Variants in CNTN5 observed in about 807,000 individuals in gnomAD.
CNTN5 encodes contactin 5.
Under a neutral mutation model 129.1 loss-of-function variants are expected in CNTN5, and 77 were observed. The observed-to-expected ratio is 0.60, with a 90% CI of 0.50 to 0.72. The LOEUF (loss-of-function observed/expected upper bound fraction) is 0.72. Among genes scored for constraint, CNTN5 ranks in the 30% least tolerant of loss-of-function variants. The pLI, the probability that CNTN5 is intolerant of heterozygous loss-of-function variation, is 0.00. For missense variants in CNTN5, 1,478 were observed against 1,328.8 expected, an observed-to-expected ratio of 1.11 and a Z score of -1.75; for synonymous variants, 509 against 465.6, an observed-to-expected ratio of 1.09 and a Z score of -1.20.
chr11:99,271,601 T>C (rs117709726), intron 1 of CNTN5, among the ~76,000 whole-genome samples: 1,686 of 151,890 alleles, frequency 0.011, 14 homozygotes, highest in Non-Finnish European at 0.019. Context: ...CTAAGTAGGG[T>C]ATTTCTGGCA....
intron 18 of CNTN5, among the ~76,000 whole-genome samples, chr11:100,286,050 G>C (rs1410150742): frequency 6.6e-6 from 1 of 152,182 alleles, no homozygotes; most frequent in East Asian, 1.9e-4. Flanking sequence ...TTTCCGATAG[G>C]CTTAAAAAAC....
intron 3 of CNTN5, among the ~76,000 whole-genome samples, chr11:99,626,392 G>A (rs1164291455): frequency 2.0e-5 from 3 of 152,050 alleles, no homozygotes; most frequent in Admixed American, 6.6e-5. Flanking sequence ...CTGTTTTAGT[G>A]GAAGTATTCA....
At chr11:99,044,264 A>G (rs1864116321) in intron 1 of CNTN5, among the ~76,000 whole-genome samples, 1 of 152,154 alleles carries the variant, frequency 6.6e-6, no homozygotes, top group African/African-American at 2.4e-5. Context: ...AGCTAACAAA[A>G]TTCTATTCTC....
At chr11:99,062,474 G>A (rs1474766225) in intron 1 of CNTN5, among the ~76,000 whole-genome samples, 1 of 151,952 alleles carries the variant, frequency 6.6e-6, no homozygotes, top group African/African-American at 2.4e-5. Context: ...ATGTATAGAG[G>A]AACACTAACA....
chr11:99,352,020 C>A (rs909257141), intron 2 of CNTN5, among the ~76,000 whole-genome samples: 6 of 152,126 alleles, frequency 3.9e-5, no homozygotes, highest in Non-Finnish European at 7.3e-5. Context: ...AAGACAAATG[C>A]CATTAATAGA....
intron 1 of CNTN5, among the ~76,000 whole-genome samples, chr11:99,213,319 AATATATAAATAT>A (rs1859914294): frequency 6.9e-6 from 1 of 144,348 alleles, no homozygotes; most frequent in South Asian, 2.1e-4. Context: ...ACATATATAA[AATATATAAATAT>A]ATACATATAT....
intron 7 of CNTN5, among the ~76,000 whole-genome samples, chr11:99,951,376 T>C (rs923583460): frequency 1.2e-4 from 18 of 152,180 alleles, no homozygotes; most frequent in African/African-American, 4.3e-4. Context: ...GCTTTGCATA[T>C]TTCACTACTA....
chr11:100,104,951 A>G (rs1945368330), intron 13 of CNTN5, among the ~76,000 whole-genome samples: 2 of 152,178 alleles, frequency 1.3e-5, no homozygotes, highest in South Asian at 4.1e-4. Flanking sequence ...AACTAGCATG[A>G]GAGAGGCTGC....
chr11:99,375,265 A>C (rs1178991023), intron 2 of CNTN5, among the ~76,000 whole-genome samples: 1 of 140,814 alleles, frequency 7.1e-6, no homozygotes, highest in Non-Finnish European at 1.5e-5. Context: ...ATCACGCCAC[A>C]GCACTCCAGC....
At chr11:99,380,613 T>C (rs1326546020) in intron 2 of CNTN5, among the ~76,000 whole-genome samples, 1 of 151,104 alleles carries the variant, frequency 6.6e-6, no homozygotes, top group East Asian at 2.0e-4. Flanking sequence ...CTATTACAAA[T>C]AAAAAATTAG....
chr11:99,860,577 G>C (rs1452693158), intron 6 of CNTN5, among the ~76,000 whole-genome samples: 3 of 152,024 alleles, frequency 2.0e-5, no homozygotes, highest in Admixed American at 1.3e-4. Context: ...TTTCCTCATT[G>C]CTTAATTTTG....
At chr11:99,304,093 T>C (rs932251127) in intron 1 of CNTN5, among the ~76,000 whole-genome samples, 4 of 152,106 alleles carry the variant, frequency 2.6e-5, no homozygotes, top group Non-Finnish European at 5.9e-5. Context: ...AATGACAGTT[T>C]TTCTTGATCT....
At chr11:100,102,788 G>C (rs1474159856) in intron 13 of CNTN5, among the ~76,000 whole-genome samples, 3 of 152,096 alleles carry the variant, frequency 2.0e-5, no homozygotes, top group Admixed American at 2.0e-4. Flanking sequence ...AATAATGCTT[G>C]ATCATAGTGT....
intron 3 of CNTN5, among the ~76,000 whole-genome samples, chr11:99,644,875 T>C (rs76022660): frequency 0.017 from 2,613 of 152,224 alleles, 75 homozygotes; most frequent in African/African-American, 0.059. Flanking sequence ...AATACAGCTT[T>C]AGATTCTTAT....
chr11:100,199,588 A>T (rs2138542077), intron 15 of CNTN5, among the ~76,000 whole-genome samples: 1 of 152,014 alleles, frequency 6.6e-6, no homozygotes, highest in Non-Finnish European at 1.5e-5. Flanking sequence ...GAATATTCAG[A>T]CTATCCCAGA....
chr11:99,941,877 T>C (rs1049695768), intron 7 of CNTN5, among the ~76,000 whole-genome samples: 2 of 152,098 alleles, frequency 1.3e-5, no homozygotes, highest in African/African-American at 2.4e-5. Flanking sequence ...ATGTCAGTCC[T>C]AATAGAGTTT....
At chr11:100,197,814 T>C (rs534814743) in intron 15 of CNTN5, among the ~76,000 whole-genome samples, 57 of 152,130 alleles carry the variant, frequency 3.7e-4, no homozygotes, top group African/African-American at 1.3e-3. Flanking sequence ...GCATTTGTTG[T>C]CAGAATGGTC....
At chr11:99,775,642 A>C (rs2135360113) in intron 3 of CNTN5, among the ~76,000 whole-genome samples, 1 of 152,128 alleles carries the variant, frequency 6.6e-6, no homozygotes, top group South Asian at 2.1e-4. Context: ...GGCATATGCA[A>C]AACTATTGGA....
intron 13 of CNTN5, among the ~76,000 whole-genome samples, chr11:100,096,439 G>A (rs11222745): frequency 6.6e-6 from 1 of 152,042 alleles, no homozygotes; most frequent in African/African-American, 2.4e-5. Flanking sequence ...CCGTCTACTC[G>A]CACCTTTTGC....
Sources: allele counts gnomAD v4.1 joint callset (sites outside exome capture counted in the v4.1 genomes callset), GRCh38; gene constraint gnomAD v4.1.1; transcripts MANE v1.5; gene names NCBI Gene and HGNC (gene_info 2026-07-23, HGNC 2026-07-21).